The following CCDC102B variants were observed in gnomAD, a reference collection of about 807,000 sequenced individuals.
CCDC102B encodes the protein coiled-coil domain-containing protein 102B.
In CCDC102B, 75 loss-of-function variants were observed where a neutral mutation model predicts 57.4. The observed-to-expected ratio is 1.31, with a 90% CI of 1.08 to 1.58. CCDC102B has a LOEUF of 1.58. Among genes scored for constraint, CCDC102B ranks in the 40% most tolerant of loss-of-function variants. CCDC102B has a pLI of 0.00. For synonymous variants in CCDC102B, 206 were observed against 201.9 expected (o/e 1.02, Z -0.17); for missense variants, 636 against 582.6 (o/e 1.09, Z -0.94).
At chr18:68,831,448 G>A (rs185819938) in intron 1 of CCDC102B, among the ~76,000 whole-genome samples, 1 of 151,968 alleles carries the variant, frequency 6.6e-6, no homozygotes, top group Non-Finnish European at 1.5e-5. Flanking sequence ...ATTTAATAAC[G>A]ACTCTTGGCA....
At chr18:68,888,173 T>A (rs563182337) in intron 5 of CCDC102B, among the ~76,000 whole-genome samples, 4 of 152,124 alleles carry the variant, frequency 2.6e-5, no homozygotes, top group Non-Finnish European at 4.4e-5. Context: ...GAAAAACATA[T>A]TGCAATAGTA....
At chr18:68,766,664 T>C (rs1243587237) in intron 2 of CCDC102B, among the ~76,000 whole-genome samples, 2 of 152,206 alleles carry the variant, frequency 1.3e-5, no homozygotes, top group African/African-American at 4.8e-5. Context: ...TTCCTGAGTC[T>C]GGTGGCCCCT....
chr18:68,997,443 G>A lies in CCDC102B; in HGVS notation c.1264-13491G>A, dbSNP rs956741930. On this transcript the variant is annotated intron_variant, in intron 6 of 7. Coordinates refer to ENST00000360242, the MANE Select transcript of CCDC102B (RefSeq NM_024781.3). ...ATTTATCGGTAAGCATGTGCTTACC[G>A]ATAAGTGTTCTGGCAAAAGGAGTAT... Among the ~76,000 whole-genome samples, 8 of 152,092 alleles carry A rather than the reference G, an allele frequency of 5.3e-5. No individual in the cohort carries two copies. The East Asian group carries it at 9.7e-4, about 18-fold the overall frequency.
At position 69,034,691 on chromosome 18, in the gene CCDC102B, T is replaced by TTA. The variant is rs968319720; in HGVS notation, c.1435-19329_1435-19328dup. On this transcript the variant is annotated intron_variant, in intron 7 of 7. Transcript: ENST00000360242. ...TTCCTTTGTAAAATTGTTCTATACT[T>TTA]TATATATATATGCATATATAATTAT... Among the ~76,000 whole-genome samples, 167 of 151,352 alleles carry TTA rather than the reference T, an allele frequency of 1.1e-3. 1 individual carries two copies. Among genetic ancestry groups the TTA allele is most frequent in the African/African-American group, 3.8e-3 (158 of 41,376 alleles).
At chr18:68,968,277 G>A (rs879282564) in intron 6 of CCDC102B, among the ~76,000 whole-genome samples, 1 of 151,736 alleles carries the variant, frequency 6.6e-6, no homozygotes, top group African/African-American at 2.4e-5. Flanking sequence ...TGACCTTAAA[G>A]CACTGGTTTT....
At chr18:68,839,647 G>T (rs574641018) in intron 3 of CCDC102B, among the ~76,000 whole-genome samples, 2 of 152,146 alleles carry the variant, frequency 1.3e-5, no homozygotes, top group Admixed American at 6.5e-5. Flanking sequence ...TGCATGGAAG[G>T]CTGGGGGCTG....
intron 7 of CCDC102B, among the ~76,000 whole-genome samples, chr18:69,021,906 C>A (rs933626959): frequency 6.6e-6 from 1 of 152,036 alleles, no homozygotes; most frequent in East Asian, 1.9e-4. Context: ...ATGATTTATA[C>A]GTTATTGCTT....
intron 2 of CCDC102B, among the ~76,000 whole-genome samples, chr18:68,790,606 T>A (rs1055072981): frequency 3.2e-4 from 48 of 152,136 alleles, no homozygotes; most frequent in African/African-American, 1.1e-3. Flanking sequence ...GTGCTGTCCC[T>A]CACCCCTTTC....
At chr18:68,994,281 G>A (rs1392156321) in intron 6 of CCDC102B, among the ~76,000 whole-genome samples, 1 of 152,162 alleles carries the variant, frequency 6.6e-6, no homozygotes, top group Non-Finnish European at 1.5e-5. Flanking sequence ...AGTATACAGT[G>A]AAGTTTGTAA....
At chr18:68,869,387 G>T (rs902468784) in intron 4 of CCDC102B, among the ~76,000 whole-genome samples, 3 of 152,192 alleles carry the variant, frequency 2.0e-5, no homozygotes, top group Admixed American at 6.5e-5. Context: ...CAAGGGCATT[G>T]TCAACTGTGT....
chr18:68,962,903 C>T (rs1307440914), intron 6 of CCDC102B, among the ~76,000 whole-genome samples: 1 of 151,954 alleles, frequency 6.6e-6, no homozygotes, highest in Non-Finnish European at 1.5e-5. Flanking sequence ...TTTCACGACT[C>T]CTTCTTTCCA....
intron 6 of CCDC102B, among the ~76,000 whole-genome samples, chr18:68,933,097 T>TA (rs796687669): frequency 0.07 from 8,871 of 127,614 alleles, 612 homozygotes; most frequent in African/African-American, 0.18. Flanking sequence ...TTACTCCTCA[T>TA]AAAAAAAAAA....
chr18:69,022,193 CTATATATA>C lies in CCDC102B; in HGVS notation c.1434+11112_1434+11119del, dbSNP rs57226048. 4.8e-3 allele frequency among the ~76,000 whole-genome samples: 678 copies of C among 142,078 alleles called. 13 individuals are homozygous for C. The highest frequency in any genetic ancestry group is 0.018 in the African/African-American group (615 of 35,004). The allele number at this position is 142,078 out of a possible 152,430, so 93.2% of individuals were successfully genotyped here. ...TTTATTAGACCCATTATCCTTTAGCCTATATATATATATATATATATATATATATAACA... is the reference window on the plus strand; with the variant it reads ...TTTATTAGACCCATTATCCTTTAGCCTATATATATATATATATATATAACA... On this transcript the variant is annotated intron_variant, in intron 7 of 7. Coordinates refer to ENST00000360242, the MANE Select transcript of CCDC102B (RefSeq NM_024781.3).
chr18:68,932,944 G>A (rs1410887128), intron 6 of CCDC102B, among the ~76,000 whole-genome samples: 1 of 151,808 alleles, frequency 6.6e-6, no homozygotes, highest in East Asian at 1.9e-4. Context: ...AGAGCACTTT[G>A]TGTTATTTGT....
chr18:68,732,639 G>A (rs185360815), intron 2 of CCDC102B, among the ~76,000 whole-genome samples: 6 of 152,078 alleles, frequency 3.9e-5, no homozygotes, highest in Admixed American at 3.3e-4. Context: ...GACCCACAGC[G>A]CCCGGCCTAC....
intron 4 of CCDC102B, among the ~76,000 whole-genome samples, chr18:68,868,710 C>T (rs1361217766): frequency 6.6e-6 from 1 of 152,068 alleles, no homozygotes; most frequent in Non-Finnish European, 1.5e-5. Context: ...TCCCAAGAAC[C>T]ACATTAAAAA....
At chr18:68,894,640 G>T (rs1033638349) in intron 5 of CCDC102B, among the ~76,000 whole-genome samples, 1 of 151,682 alleles carries the variant, frequency 6.6e-6, no homozygotes, top group African/African-American at 2.4e-5. Flanking sequence ...AAAGAATGAT[G>T]TGATAAGAAA....
At chr18:68,879,973 G>A (rs1405348657) in intron 5 of CCDC102B, among the ~76,000 whole-genome samples, 1 of 152,230 alleles carries the variant, frequency 6.6e-6, no homozygotes. Flanking sequence ...GGAGCTGCCT[G>A]CCAGTCCTGT....
At chr18:68,774,943 ATAT>A (rs978916217) in intron 2 of CCDC102B, among the ~76,000 whole-genome samples, 3 of 151,370 alleles carry the variant, frequency 2.0e-5, no homozygotes, top group African/African-American at 7.2e-5. Context: ...TTATTTTAAC[ATAT>A]TATACATAAA....
Sources: allele counts gnomAD v4.1 joint callset (sites outside exome capture counted in the v4.1 genomes callset), GRCh38; gene constraint gnomAD v4.1.1; transcripts MANE v1.5; gene names NCBI Gene and HGNC (gene_info 2026-07-23, HGNC 2026-07-21).